Variants in FGD4 observed in about 807,000 individuals in gnomAD.
FGD4 encodes FYVE, RhoGEF and PH domain-containing protein 4.
A neutral mutation model predicts 102.0 loss-of-function variants in FGD4; 42 were observed. The ratio of observed to expected loss-of-function variants is 0.41; its 90% CI spans 0.32 to 0.53. FGD4 has a LOEUF of 0.53. Ranked by LOEUF, FGD4 falls within the 20% of genes least tolerant of loss-of-function variation. The pLI, the probability that FGD4 is intolerant of heterozygous loss-of-function variation, is 0.21. For synonymous variants in FGD4, 380 were observed against 375.7 expected, an observed-to-expected ratio of 1.01 and a Z score of -0.13; for missense variants, 902 against 1,078.2, an observed-to-expected ratio of 0.84 and a Z score of 2.29.
At chr12:32,527,668 T>C (rs1411562963) in intron 1 of FGD4, among the ~76,000 whole-genome samples, 3 of 152,092 alleles carry the variant, frequency 2.0e-5, no homozygotes, top group African/African-American at 7.2e-5. Flanking sequence ...GACCCTGTGA[T>C]CCACCCGCCT....
intron 1 of FGD4, among the ~76,000 whole-genome samples, chr12:32,484,195 G>A (rs1229223143): frequency 6.6e-6 from 1 of 152,092 alleles, no homozygotes; most frequent in Non-Finnish European, 1.5e-5. Context: ...TCCATGCAAT[G>A]GGAGGATTTC....
At chr12:32,628,743 G>A (rs1000697045) in intron 14 of FGD4, among the ~76,000 whole-genome samples, 11 of 152,052 alleles carry the variant, frequency 7.2e-5, no homozygotes, top group Non-Finnish European at 1.0e-4. Flanking sequence ...CCGAGATTGC[G>A]CCATTGCACT....
chr12:32,582,381 G>T lies in FGD4; in HGVS notation c.925G>T (p.Ala309Ser). The T allele has an allele frequency of 6.2e-7, 1 of 1,614,082 alleles. No homozygotes were observed. The highest frequency in any genetic ancestry group is 8.5e-7 in the Non-Finnish European group (1 of 1,180,018). ...AGTGCTCCCCCTAGAAGAAAGAGGG[G>T]CAGAAACAGAAACCAAGGTACAAGA... ...GPVLPLEERG[A>S]ETETKVQERE... Residue 309 changes from alanine (A) to serine (S), a missense_variant, in exon 4 of 17, where the codon GCA (alanine) becomes TCA (serine). Ala to Ser is a moderately conservative substitution (Grantham distance 99). Around this residue, in one of 2 missense-constraint regions of FGD4, gnomAD observed 443 missense variants for 459.2 expected, o/e 0.96. Transcript: ENST00000534526.
chr12:32,480,872 T>C (rs535083732), intron 1 of FGD4, among the ~76,000 whole-genome samples: 2 of 151,512 alleles, frequency 1.3e-5, no homozygotes, highest in Admixed American at 1.3e-4. Flanking sequence ...GGCACCATTA[T>C]GGCTCACTAC....
intron 1 of FGD4, among the ~76,000 whole-genome samples, chr12:32,417,572 C>T (rs1395479130): frequency 4.0e-5 from 6 of 151,850 alleles, no homozygotes; most frequent in Non-Finnish European, 7.4e-5. Context: ...ATTCTCATGC[C>T]TCAGCCTCCT....
intron 1 of FGD4, among the ~76,000 whole-genome samples, chr12:32,499,315 A>G (rs17536631): frequency 0.045 from 6,897 of 152,306 alleles, 211 homozygotes; most frequent in Admixed American, 0.077. Context: ...TTCAGGCCCT[A>G]TAATTAGATT....
intron 7 of FGD4, among the ~76,000 whole-genome samples, chr12:32,606,548 G>A (rs1290089518): frequency 1.3e-5 from 2 of 151,100 alleles, no homozygotes; most frequent in African/African-American, 2.4e-5. Context: ...GTTCTCTCAG[G>A]TTTCTCCTCC....
chr12:32,442,038 G>A (rs1308263021), intron 1 of FGD4, among the ~76,000 whole-genome samples: 1 of 139,286 alleles, frequency 7.2e-6, no homozygotes, highest in Admixed American at 7.3e-5. Flanking sequence ...CAGGAGTGTT[G>A]TTGTGTTTTT....
chr12:32,460,943 C>T (rs1411813064), intron 1 of FGD4, among the ~76,000 whole-genome samples: 1 of 152,156 alleles, frequency 6.6e-6, no homozygotes, highest in Non-Finnish European at 1.5e-5. Flanking sequence ...ATTAACTGGG[C>T]ATTTGAAAAT....
chr12:32,609,345 ATCC>A (rs1341590119), intron 8 of FGD4, among the ~76,000 whole-genome samples: 1 of 151,846 alleles, frequency 6.6e-6, no homozygotes, highest in Non-Finnish European at 1.5e-5. Context: ...TCCATTTTCC[ATCC>A]ATCTCACCTG....
intron 2 of FGD4, among the ~76,000 whole-genome samples, chr12:32,570,066 C>T (rs1050797511): frequency 6.6e-6 from 1 of 151,900 alleles, no homozygotes; most frequent in African/African-American, 2.4e-5. Flanking sequence ...CATGGTGAAA[C>T]CCCATCTACT....
At chr12:32,422,181 C>T (rs893543293) in intron 1 of FGD4, among the ~76,000 whole-genome samples, 1 of 150,096 alleles carries the variant, frequency 6.7e-6, no homozygotes, top group Non-Finnish European at 1.5e-5. Context: ...TATAAAACAT[C>T]TGATGCTTGG....
At chr12:32,619,422 A>T (rs1008820408) in intron 10 of FGD4, among the ~76,000 whole-genome samples, 11 of 151,870 alleles carry the variant, frequency 7.2e-5, no homozygotes, top group Admixed American at 1.3e-4. Flanking sequence ...AGGTCAGGAG[A>T]TCGAGACCAT....
At chr12:32,487,385 G>A (rs1031285710) in intron 1 of FGD4, among the ~76,000 whole-genome samples, 29 of 151,994 alleles carry the variant, frequency 1.9e-4, no homozygotes, top group African/African-American at 3.1e-4. Flanking sequence ...GACAGGCAGC[G>A]ATGTGCTTGC....
intron 1 of FGD4, among the ~76,000 whole-genome samples, chr12:32,482,361 A>G (rs1272992068): frequency 6.6e-6 from 1 of 152,174 alleles, no homozygotes; most frequent in African/African-American, 2.4e-5. Flanking sequence ...CTTGTTTTCT[A>G]TTTCTTAGTG....
intron 1 of FGD4, among the ~76,000 whole-genome samples, chr12:32,520,437 T>G (rs889934779): frequency 3.5e-5 from 5 of 143,120 alleles, no homozygotes; most frequent in East Asian, 2.0e-4. Flanking sequence ...TTTTTTGTTT[T>G]TTGTTTTTTT....
intron 1 of FGD4, among the ~76,000 whole-genome samples, chr12:32,520,006 A>G (rs762047835): frequency 1.7e-4 from 26 of 152,334 alleles, no homozygotes; most frequent in Non-Finnish European, 2.6e-4. Context: ...GTAAGTTTTG[A>G]AAAATAATGT....
intron 1 of FGD4, among the ~76,000 whole-genome samples, chr12:32,563,673 G>A (rs926359955): frequency 2.0e-5 from 3 of 152,136 alleles, no homozygotes; most frequent in Non-Finnish European, 4.4e-5. Flanking sequence ...AGGTTGTAGC[G>A]AGCCGCGATC....
chr12:32,568,744 G>T (rs1202179564), intron 2 of FGD4, among the ~76,000 whole-genome samples: 2 of 152,020 alleles, frequency 1.3e-5, no homozygotes, highest in Non-Finnish European at 2.9e-5. Context: ...TCTTTTAAAA[G>T]TGTAATGTTA....
Sources: allele counts gnomAD v4.1 joint callset (sites outside exome capture counted in the v4.1 genomes callset), GRCh38; gene constraint gnomAD v4.1.1; regional missense constraint gnomAD v4.1.1; transcripts MANE v1.5; gene names NCBI Gene and HGNC (gene_info 2026-07-23, HGNC 2026-07-21).